Variants in POC1A observed in about 807,000 individuals in gnomAD.
POC1A encodes the protein POC1 centriolar protein homolog A.
A neutral mutation model predicts 47.8 loss-of-function variants in POC1A; 34 were observed. The ratio of observed to expected loss-of-function variants is 0.71; its 90% CI spans 0.54 to 0.95. POC1A has a LOEUF of 0.95. Ranked by LOEUF, POC1A falls within the 40% of genes least tolerant of loss-of-function variation. The pLI, the probability that POC1A is intolerant of heterozygous loss-of-function variation, is 0.00. For missense variants in POC1A, 466 were observed against 528.3 expected, an observed-to-expected ratio of 0.88 and a Z score of 1.16; for synonymous variants, 177 against 207.6, an observed-to-expected ratio of 0.85 and a Z score of 1.27.
chr3:52,079,318 C>T lies in POC1A; in HGVS notation c.1126-3333G>A, dbSNP rs1169597463. On this transcript the variant is annotated intron_variant, in intron 10 of 10. Coordinates refer to ENST00000296484, the MANE Select transcript of POC1A (RefSeq NM_015426.5). The surrounding 1 kb of genome is among the most constrained non-coding windows in gnomAD (Gnocchi z 4.6). Reference sequence around the variant, plus strand: ...GGGGCCCAGCCAAGCAGGCTGCTCTCGTCGCCTCATGCTCCGTCCAGCCCG... The same window carrying T: ...GGGGCCCAGCCAAGCAGGCTGCTCTTGTCGCCTCATGCTCCGTCCAGCCCG... Among the ~76,000 whole-genome samples the T allele has an allele frequency of 1.3e-5, 2 of 152,196 alleles. No individual in the cohort carries two copies. The highest frequency in any genetic ancestry group is 2.9e-5 in the Non-Finnish European group (2 of 68,026).
chr3:52,134,225 G>T (rs1247507053), intron 7 of POC1A, among the ~76,000 whole-genome samples: 1 of 151,590 alleles, frequency 6.6e-6, no homozygotes, highest in Non-Finnish European at 1.5e-5. Context: ...GGAATGAAGG[G>T]GTTAAAAAAA....
At chr3:52,135,919 A>G (rs925274540) in intron 7 of POC1A, among the ~76,000 whole-genome samples, 2 of 152,178 alleles carry the variant, frequency 1.3e-5, no homozygotes, top group Non-Finnish European at 2.9e-5. Context: ...AGAACCCGGT[A>G]TTGACTTGCC....
intron 9 of POC1A, among the ~76,000 whole-genome samples, chr3:52,101,056 G>A (rs1385182892): frequency 6.7e-6 from 1 of 149,952 alleles, no homozygotes; most frequent in African/African-American, 2.5e-5. Flanking sequence ...GACTGAAGCT[G>A]GGTCAAGACA....
intron 9 of POC1A, among the ~76,000 whole-genome samples, chr3:52,103,050 G>T (rs1406879972): frequency 6.6e-6 from 1 of 152,222 alleles, no homozygotes. Context: ...AGAAACTCTA[G>T]ACCAGTATCC....
intron 1 of POC1A, among the ~76,000 whole-genome samples, chr3:52,153,568 T>C (rs1698623316): frequency 6.6e-6 from 1 of 152,226 alleles, no homozygotes; most frequent in South Asian, 2.1e-4. Context: ...TAAGAGAGTG[T>C]CCGCCCCTAG....
intron 5 of POC1A, among the ~76,000 whole-genome samples, chr3:52,146,272 A>C (rs1380691993): frequency 6.6e-6 from 1 of 152,260 alleles, no homozygotes; most frequent in Non-Finnish European, 1.5e-5. Context: ...GGATTTTCAA[A>C]GTTGGAGCTG....
intron 10 of POC1A, among the ~76,000 whole-genome samples, chr3:52,076,571 A>G (rs1320655472): frequency 6.6e-6 from 1 of 152,188 alleles, no homozygotes; most frequent in East Asian, 1.9e-4. Flanking sequence ...GAATACTACT[A>G]TAGGATATGT....
chr3:52,154,329 G>A (rs777073141), intron 1 of POC1A, 26 bp downstream of exon 1: 1 of 1,560,226 alleles, frequency 6.4e-7, no homozygotes, highest in South Asian at 1.2e-5. Flanking sequence ...ACTGAGGCCT[G>A]GGGAGTTGCT....
intron 9 of POC1A, among the ~76,000 whole-genome samples, chr3:52,117,419 C>T (rs910521254): frequency 1.3e-5 from 2 of 152,170 alleles, no homozygotes; most frequent in African/African-American, 4.8e-5. Flanking sequence ...GCATGAAATC[C>T]CACGAAGGAG....
At chr3:52,081,103 A>G (rs980415462) in intron 10 of POC1A, among the ~76,000 whole-genome samples, 17 of 152,254 alleles carry the variant, frequency 1.1e-4, no homozygotes, top group Non-Finnish European at 4.4e-5. Flanking sequence ...GCCCTTCTCA[A>G]GAAAGCCTTG....
intron 10 of POC1A, among the ~76,000 whole-genome samples, chr3:52,077,053 G>A (rs1432476700): frequency 6.6e-6 from 1 of 152,256 alleles, no homozygotes; most frequent in African/African-American, 2.4e-5. Context: ...CATCACTTGC[G>A]CGGGTTGGAC....
chr3:52,085,760 C>A (rs901364990), intron 10 of POC1A, among the ~76,000 whole-genome samples: 3 of 152,238 alleles, frequency 2.0e-5, no homozygotes, highest in Non-Finnish European at 4.4e-5. Flanking sequence ...AGGCAAGTTA[C>A]CAGACTCAGG....
rs1050167530 is a variant in POC1A at position 52,083,866 on chromosome 3, T to C, written c.1126-7881A>G. On this transcript the variant is annotated intron_variant, in intron 10 of 10. Transcript: ENST00000296484. ...TGAGCCAATGCAAATGCTTTCCAAG[T>C]ACTAGGTGCAGCAGGTGCAAAGGCC... 7.9e-5 allele frequency among the ~76,000 whole-genome samples: 12 copies of C among 152,196 alleles called. 1 individual carries two copies. The highest frequency in any genetic ancestry group is 2.9e-4 in the African/African-American group (12 of 41,446).
At chr3:52,092,824 G>C (rs1294680716) in intron 10 of POC1A, among the ~76,000 whole-genome samples, 1 of 152,180 alleles carries the variant, frequency 6.6e-6, no homozygotes, top group East Asian at 1.9e-4. Context: ...GGAGTTAAAG[G>C]GTTTCTGATG....
At chr3:52,140,765 C>CGCA (rs1471813284) in intron 6 of POC1A, among the ~76,000 whole-genome samples, 1 of 152,214 alleles carries the variant, frequency 6.6e-6, no homozygotes, top group East Asian at 1.9e-4. Context: ...ACCTACTGGC[C>CGCA]GCACCAGCCT....
chr3:52,133,193 T>C (rs1704300341), intron 7 of POC1A, among the ~76,000 whole-genome samples: 1 of 152,070 alleles, frequency 6.6e-6, no homozygotes, highest in Non-Finnish European at 1.5e-5. Flanking sequence ...GGGAGTTTGG[T>C]CCTTTCCGCC....
intron 5 of POC1A, 33 bp from the exon 6 acceptor site, chr3:52,145,994 AG>A (rs1698352885): frequency 7.4e-7 from 1 of 1,344,434 alleles, no homozygotes; most frequent in African/African-American, 1.4e-5. Flanking sequence ...GCACTATAGG[AG>A]GTCTGCCCTG....
At chr3:52,135,796 A>G (rs1704434757) in intron 7 of POC1A, among the ~76,000 whole-genome samples, 1 of 152,164 alleles carries the variant, frequency 6.6e-6, no homozygotes, top group African/African-American at 2.4e-5. Flanking sequence ...ATCATTAGTA[A>G]GGACCCCAAA....
chr3:52,153,631 G>GTA (rs1373492321), intron 1 of POC1A, among the ~76,000 whole-genome samples: 3 of 152,342 alleles, frequency 2.0e-5, no homozygotes, highest in Admixed American at 2.0e-4. Context: ...AGGTCCCATG[G>GTA]TATCTCTCAA....
Sources: gnomAD v4.1 joint callset for allele counts (sites outside exome capture counted in the v4.1 genomes callset) on GRCh38, gnomAD v4.1.1 for gene constraint, Gnocchi (gnomAD v3.1) non-coding constraint, MANE v1.5 for transcripts, NCBI Gene and HGNC (gene_info 2026-07-23, HGNC 2026-07-21) for gene names.